Variants in MTMR6 observed in about 807,000 individuals in gnomAD.
The protein encoded by MTMR6 is phosphatidylinositol-3,5-bisphosphate 3-phosphatase MTMR6.
MTMR6 carries 47 observed loss-of-function variants against 80.1 expected under a neutral mutation model. The observed-to-expected ratio is 0.59, with a 90% CI of 0.46 to 0.75. The LOEUF (loss-of-function observed/expected upper bound fraction) is 0.75. Ranked by LOEUF, MTMR6 falls within the 30% of genes least tolerant of loss-of-function variation. The probability of loss-of-function intolerance (pLI) is 0.00; values close to 1 mark genes in which losing one functional copy is unlikely to be tolerated. For missense variants in MTMR6, 629 were observed against 730.9 expected (o/e 0.86, Z 1.61); for synonymous variants, 254 against 253.0 (o/e 1.00, Z -0.04).
chr13:25,267,687 GGA>G, intron 3 of MTMR6, 90 bp downstream of exon 3: 1 of 1,320,076 alleles, frequency 7.6e-7, no homozygotes, highest in Non-Finnish European at 1.0e-6. Context: ...GAGCAAAAAA[GGA>G]TAAAATAACA....
In MTMR6 at chr13:25,258,641, T is replaced by A. The variant is rs745400437; in HGVS notation, c.778A>T (p.Asn260Tyr). The A allele has an allele frequency of 1.3e-6, 2 of 1,597,752 alleles. No homozygotes were observed. The highest frequency in any genetic ancestry group is 1.7e-6 in the Non-Finnish European group (2 of 1,175,532). ...AACTGAAATCTAATATTGGAATAGT[T>A]GTCTTCATTTTCATAACCTTTTCCA... ...AAGKGYENED[N>Y]YSNIRFQFVG... The change falls in exon 7 of 14, where the codon AAC becomes TAC. Residue 260 changes from asparagine to tyrosine, a missense_variant. By Grantham distance (143) the Asn-to-Tyr change is moderately radical. Transcript: ENST00000381801.
chr13:25,249,637 A>C, intron 13 of MTMR6, 145 bp from the exon 14 acceptor site: 1 of 806,210 alleles, frequency 1.2e-6, no homozygotes, highest in Non-Finnish European at 1.9e-6. Flanking sequence ...CATTTAATGC[A>C]TATGACATGG....
At chr13:25,275,585 G>T (rs568812813) in intron 1 of MTMR6, among the ~76,000 whole-genome samples, 43 of 151,636 alleles carry the variant, frequency 2.8e-4, no homozygotes, top group Non-Finnish European at 5.0e-4. Context: ...ATTACCGCCG[G>T]GTGTGGTGGC....
intron 5 of MTMR6, among the ~76,000 whole-genome samples, chr13:25,263,010 C>T (rs1032660494): frequency 6.6e-6 from 1 of 152,178 alleles, no homozygotes; most frequent in Non-Finnish European, 1.5e-5. Flanking sequence ...TGTCTAAACC[C>T]TTACCCCTTT....
chr13:25,251,508 A>G lies in MTMR6; in HGVS notation c.1605+141T>C. 1 of 706,144 alleles carries G rather than the reference A, an allele frequency of 1.4e-6. No individual in the cohort carries two copies. Among genetic ancestry groups the G allele is most frequent in the Non-Finnish European group, 2.3e-6 (1 of 435,908 alleles). 43.7% of individuals were successfully genotyped at this position (706,144 alleles called of 1,614,324 possible). ...AAAGTGATTCGAACTAACGTATTCAATCAAAGTAGGGATGACCTGATTTTG... is the reference window on the plus strand; with the variant it reads ...AAAGTGATTCGAACTAACGTATTCAGTCAAAGTAGGGATGACCTGATTTTG... On this transcript the variant is annotated intron_variant, in intron 13 of 13. Coordinates refer to ENST00000381801, the MANE Select transcript of MTMR6 (RefSeq NM_004685.5). This position sits in a 1 kb window ranked among gnomAD's most constrained non-coding sequence, Gnocchi z 4.1.
intron 9 of MTMR6, among the ~76,000 whole-genome samples, chr13:25,255,652 T>G (rs1957187018): frequency 6.6e-6 from 1 of 152,138 alleles, no homozygotes; most frequent in Admixed American, 6.5e-5. Context: ...GCCTCCTGAG[T>G]AGCTGGGATT....
At chr13:25,260,652 G>A (rs1245644584) in intron 6 of MTMR6, 2 of 1,287,020 alleles carry the variant, frequency 1.6e-6, no homozygotes, top group Admixed American at 4.7e-5. Context: ...TTCTGCCAAT[G>A]TCCTTTTGTG....
In MTMR6 at chr13:25,249,384, C is replaced by A; in HGVS notation, c.1714G>T (p.Glu572Ter). ...TCATTTACGGGTAGCAGAGTCTGCT[C>A]TTTAAAACACAGGGAAGTTTTGAGG... is the stretch of plus-strand genomic sequence containing the variant. ...PNLKTSLCFK[E>*]QTLLPVNDAL... The change falls in exon 14 of 14, where the codon GAG becomes TAG. Residue 572 changes from glutamate (E) to a stop codon, truncating the protein, a stop_gained. Transcript: ENST00000381801. LOFTEE classifies it high-confidence loss of function. The A allele has an allele frequency of 6.2e-7, 1 of 1,614,134 alleles. No individual in the cohort carries two copies. Among genetic ancestry groups the A allele is most frequent in the East Asian group, 2.2e-5 (1 of 44,882 alleles).
At chr13:25,257,350 C>A (rs150151685) in intron 8 of MTMR6, 29 bp from the exon 9 acceptor site, 3 of 1,610,604 alleles carry the variant, frequency 1.9e-6, no homozygotes, top group African/African-American at 1.3e-5. Flanking sequence ...TACATTCTAG[C>A]GTACTTTAAG....
intron 8 of MTMR6, 86 bp from the exon 9 acceptor site, chr13:25,257,407 T>C: frequency 6.7e-7 from 1 of 1,492,122 alleles, no homozygotes; most frequent in South Asian, 1.3e-5. Context: ...AGGTATTGTG[T>C]TACAAGGAAG....
chr13:25,271,784 T>C (rs977045155), intron 2 of MTMR6, among the ~76,000 whole-genome samples: 4 of 152,206 alleles, frequency 2.6e-5, no homozygotes, highest in African/African-American at 9.7e-5. Flanking sequence ...TTCCAAAATA[T>C]CTAGAATAGT....
At chr13:25,257,941 G>T in intron 7 of MTMR6, 96 bp from the exon 8 acceptor site, 1 of 777,292 alleles carries the variant, frequency 1.3e-6, no homozygotes, top group Non-Finnish European at 2.0e-6. Flanking sequence ...GAAGAAAGAA[G>T]ACAAAATAAA....
At chr13:25,266,106 T>G in intron 4 of MTMR6, 23 bp downstream of exon 4, 1 of 1,611,288 alleles carries the variant, frequency 6.2e-7, no homozygotes, top group Non-Finnish European at 8.5e-7. Flanking sequence ...TTTCTGAATT[T>G]CTCCAAAATG....
At chr13:25,250,625 T>C (rs1387703597) in intron 13 of MTMR6, among the ~76,000 whole-genome samples, 2 of 152,190 alleles carry the variant, frequency 1.3e-5, no homozygotes, top group African/African-American at 4.8e-5. Flanking sequence ...TAAATATTCA[T>C]CCATAGCTGA....
At chr13:25,261,029 C>G (rs758943930) in intron 6 of MTMR6, among the ~76,000 whole-genome samples, 1 of 151,826 alleles carries the variant, frequency 6.6e-6, no homozygotes, top group Non-Finnish European at 1.5e-5. Context: ...TTAGGCTGGG[C>G]GCAGTGGCTC....
intron 1 of MTMR6, among the ~76,000 whole-genome samples, chr13:25,274,708 A>G (rs1004278240): frequency 1.3e-5 from 2 of 152,090 alleles, no homozygotes; most frequent in Non-Finnish European, 2.9e-5. Flanking sequence ...CTCTGTTTCT[A>G]AAATGGTCTC....
intron 2 of MTMR6, among the ~76,000 whole-genome samples, chr13:25,272,773 AT>A (rs1403198076): frequency 2.0e-5 from 3 of 152,148 alleles, no homozygotes; most frequent in Non-Finnish European, 4.4e-5. Flanking sequence ...AAAGGCCATG[AT>A]TTTGTTCTCT....
chr13:25,264,836 G>A (rs1181080651), intron 5 of MTMR6, among the ~76,000 whole-genome samples: 2 of 150,594 alleles, frequency 1.3e-5, no homozygotes, highest in East Asian at 2.0e-4. Context: ...AACAAAATCA[G>A]GTCCCAAAGG....
At chr13:25,271,660 T>C (rs1342226882) in intron 2 of MTMR6, among the ~76,000 whole-genome samples, 2 of 152,220 alleles carry the variant, frequency 1.3e-5, no homozygotes, top group Non-Finnish European at 2.9e-5. Context: ...TTAGCACTTA[T>C]CACTATGTAT....
Sources: gnomAD v4.1 joint callset for allele counts (sites outside exome capture counted in the v4.1 genomes callset) on GRCh38, gnomAD v4.1.1 for gene constraint, Gnocchi (gnomAD v3.1) non-coding constraint, MANE v1.5 for transcripts, NCBI Gene and HGNC (gene_info 2026-07-23, HGNC 2026-07-21) for gene names.